PCDHGB3: variants seen among roughly 807,000 people sequenced by gnomAD.
PCDHGB3 encodes the protein protocadherin gamma-B3.
PCDHGB3 carries 40 observed loss-of-function variants against 59.2 expected under a neutral mutation model. The ratio of observed to expected loss-of-function variants is 0.68; its 90% CI spans 0.52 to 0.88. PCDHGB3 has a LOEUF of 0.88. PCDHGB3 is among the 40% of genes least tolerant of loss of function. The pLI is 0.00. For missense variants in PCDHGB3, 1,309 were observed against 1,187.9 expected (o/e 1.10, Z -1.50); for synonymous variants, 581 against 503.6 (o/e 1.15, Z -2.06).
rs1452737362 is a variant in PCDHGB3, at chr5:141,432,324, A to G, written c.2415+59515A>G. On this transcript the variant is annotated intron_variant, in intron 1 of 3. Transcript: ENST00000576222. The surrounding 1 kb of genome is among the most constrained non-coding windows in gnomAD (Gnocchi z 6.0). ...CTGTATGCGCTGAGCTCCTTCGACTACGAGCAGTTCCGAGACTTGCAAGTG... is the reference window on the plus strand; with the variant it reads ...CTGTATGCGCTGAGCTCCTTCGACTGCGAGCAGTTCCGAGACTTGCAAGTG... 3 of 1,614,058 alleles carry G rather than the reference A, an allele frequency of 1.9e-6. No homozygotes were observed. The highest frequency in any genetic ancestry group is 2.7e-5 in the African/African-American group (2 of 74,910).
chr5:141,394,410 A>G, intron 1 of PCDHGB3: 1 of 1,614,210 alleles, frequency 6.2e-7, no homozygotes, highest in Non-Finnish European at 8.5e-7. Context: ...GCTACTGGTA[A>G]CAGCCAGCGA....
chr5:141,386,522 C>T (rs1561611649), intron 1 of PCDHGB3, among the ~76,000 whole-genome samples: 3 of 152,174 alleles, frequency 2.0e-5, no homozygotes, highest in African/African-American at 4.8e-5. Flanking sequence ...CAAAAAAAGA[C>T]TCTTTTTAGA....
At chr5:141,384,192 C>G in intron 1 of PCDHGB3, 1 of 1,613,866 alleles carries the variant, frequency 6.2e-7, no homozygotes. Flanking sequence ...GAACTCCTCC[C>G]TTGTCCAGGG....
chr5:141,427,294 A>G (rs1239553754), intron 1 of PCDHGB3: 6 of 456,876 alleles, frequency 1.3e-5, no homozygotes, highest in Non-Finnish European at 2.2e-5. Context: ...GAAATCCTAG[A>G]TGAGAATGAC....
chr5:141,388,712 G>A, intron 1 of PCDHGB3: 1 of 1,613,986 alleles, frequency 6.2e-7, no homozygotes. Flanking sequence ...TCAATGCCGA[G>A]ATTACTTTCT....
rs1396744157 is a variant in PCDHGB3 at position 141,432,439 on chromosome 5, C to G, written c.2415+59630C>G. 22 of 1,614,108 alleles carry G rather than the reference C, an allele frequency of 1.4e-5. No individual in the cohort carries two copies. The highest frequency in any genetic ancestry group is 1.7e-5 in the Non-Finnish European group (20 of 1,180,052). On this transcript the variant is annotated intron_variant, in intron 1 of 3. Coordinates refer to ENST00000576222, the MANE Select transcript of PCDHGB3 (RefSeq NM_018924.5). This position sits in a 1 kb window ranked among gnomAD's most constrained non-coding sequence, Gnocchi z 6.0. ...TGCTGGACCAGAACGACAATGCGCCCGAGATCCTGTACCCCGCCCTCCCCA... is the reference window on the plus strand; with the variant it reads ...TGCTGGACCAGAACGACAATGCGCCGGAGATCCTGTACCCCGCCCTCCCCA...
At chr5:141,509,570 G>A (rs2099877371) in intron 3 of PCDHGB3, among the ~76,000 whole-genome samples, 1 of 152,232 alleles carries the variant, frequency 6.6e-6, no homozygotes, top group South Asian at 2.1e-4. Flanking sequence ...AGCCTTCACA[G>A]TGCGTACAAA....
chr5:141,410,766 AG>A, intron 1 of PCDHGB3: 1 of 1,032,268 alleles, frequency 9.7e-7, no homozygotes, highest in Non-Finnish European at 1.3e-6. Context: ...TTTCAATTAT[AG>A]TTTTCACTAT....
rs1373988780 is a variant in PCDHGB3, at chr5:141,404,040, G to A, written c.2415+31231G>A. 1.9e-5 allele frequency: 30 copies of A among 1,613,694 alleles called. No homozygotes were observed. The highest frequency in any genetic ancestry group is 2.3e-5 in the Non-Finnish European group (27 of 1,179,836). On this transcript the variant is annotated intron_variant, in intron 1 of 3. Transcript: ENST00000576222. Reference sequence around the variant, plus strand: ...CCAGTGAGAGAAGACGCACCTCAGGGAACAGTAATTCTTCTTTTCAATGCT... The same window carrying A: ...CCAGTGAGAGAAGACGCACCTCAGGAAACAGTAATTCTTCTTTTCAATGCT...
intron 1 of PCDHGB3, among the ~76,000 whole-genome samples, chr5:141,473,990 G>A (rs988540565): frequency 2.0e-5 from 3 of 152,130 alleles, no homozygotes; most frequent in African/African-American, 7.2e-5. Flanking sequence ...GATCCCTTGA[G>A]CCCAAGGAGC....
Position 141,489,595 on chromosome 5 carries a change from G to A in PCDHGB3, c.2416-5212G>A. The A allele has an allele frequency of 1.2e-6, 2 of 1,614,132 alleles. No individual in the cohort carries two copies. Among genetic ancestry groups the A allele is most frequent in the Non-Finnish European group, 1.7e-6 (2 of 1,180,004 alleles). On this transcript the variant is annotated intron_variant, in intron 1 of 3. Coordinates refer to ENST00000576222, the MANE Select transcript of PCDHGB3 (RefSeq NM_018924.5). The surrounding 1 kb of genome is among the most constrained non-coding windows in gnomAD (Gnocchi z 4.5). Reference sequence around the variant, plus strand: ...TGAACACCCCCTGGAGCTAATCCGTGTAGAGGTAGAGATCCTGGATCTCAA... The same window carrying A: ...TGAACACCCCCTGGAGCTAATCCGTATAGAGGTAGAGATCCTGGATCTCAA...
At chr5:141,405,024 T>C in intron 1 of PCDHGB3, 1 of 1,613,920 alleles carries the variant, frequency 6.2e-7, no homozygotes, top group Non-Finnish European at 8.5e-7. Flanking sequence ...GACCTTACCC[T>C]CTACCTCGTT....
At chr5:141,457,111 G>T (rs922281700) in intron 1 of PCDHGB3, among the ~76,000 whole-genome samples, 1 of 152,120 alleles carries the variant, frequency 6.6e-6, no homozygotes, top group African/African-American at 2.4e-5. Context: ...AGCAAAATAC[G>T]ACAGCAATGG....
At chr5:141,483,967 G>C (rs2099589454) in intron 1 of PCDHGB3, among the ~76,000 whole-genome samples, 1 of 149,276 alleles carries the variant, frequency 6.7e-6, no homozygotes, top group African/African-American at 2.5e-5. Flanking sequence ...TTCTGTGCTT[G>C]TGCAAGGGAG....
Position 141,372,747 on chromosome 5 carries a change from G to T in PCDHGB3, c.2353G>T (p.Ala785Ser), listed in dbSNP as rs749618566. ...ACCACAAGATCTTCTATGTGATGAA[G>T]CCTCTTGGTTTGAAAGTAATGACAA... ...AAPQDLLCDEASWFESNDNPE... is the reference protein window; with the variant it reads ...AAPQDLLCDESSWFESNDNPE... Residue 785 changes from alanine (A) to serine (S), a missense_variant, in exon 1 of 4, where the codon GCC becomes TCC. Physicochemically the swap from Ala to Ser is moderately conservative, Grantham distance 99. Transcript: ENST00000576222. 1.6e-5 allele frequency: 26 copies of T among 1,613,300 alleles called. No homozygotes were observed. The highest frequency in any genetic ancestry group is 1.7e-5 in the Admixed American group (1 of 59,974).
At chr5:141,395,542 TTGTGTGTGTGTGTGTGTGTGTG>T (rs55729045) in intron 1 of PCDHGB3, 19 of 172,620 alleles carry the variant, frequency 1.1e-4, no homozygotes, top group Admixed American at 1.0e-3. Context: ...TTGCTATTGT[TTGTGTGTGTGTGTGTGTGTGTG>T]TGTGTGTGTG....
chr5:141,474,011 A>T (rs910186122), intron 1 of PCDHGB3, among the ~76,000 whole-genome samples: 2 of 152,112 alleles, frequency 1.3e-5, no homozygotes, highest in Non-Finnish European at 2.9e-5. Flanking sequence ...TGGAAGTTAC[A>T]GTGAGCTATG....
chr5:141,434,838 A>G (rs1363952147), intron 1 of PCDHGB3, among the ~76,000 whole-genome samples: 1 of 152,022 alleles, frequency 6.6e-6, no homozygotes, highest in Non-Finnish European at 1.5e-5. Context: ...GGCATTTATA[A>G]AGCAGACATC....
Position 141,371,152 on chromosome 5 carries a change from A to G in PCDHGB3, c.758A>G (p.Glu253Gly), listed in dbSNP as rs1767538477. 15 of 1,614,060 alleles carry G rather than the reference A, an allele frequency of 9.3e-6. No homozygotes were observed. Among genetic ancestry groups the G allele is most frequent in the Non-Finnish European group, 1.2e-5 (14 of 1,179,906 alleles). ...TQDMYRVNVA[E>G]NLPAGSSVLK... Reference sequence around the variant, plus strand: ...GACATGTACAGGGTCAATGTTGCAGAGAACCTGCCCGCTGGCTCCTCCGTA... The same window carrying G: ...GACATGTACAGGGTCAATGTTGCAGGGAACCTGCCCGCTGGCTCCTCCGTA... The change falls in exon 1 of 4, where the codon GAG becomes GGG. Residue 253 changes from glutamate to glycine, a missense_variant. Glu to Gly is a moderately conservative substitution (Grantham distance 98). Transcript: ENST00000576222.
Sources: allele counts gnomAD v4.1 joint callset (sites outside exome capture counted in the v4.1 genomes callset), GRCh38; gene constraint gnomAD v4.1.1; non-coding constraint Gnocchi (gnomAD v3.1); transcripts MANE v1.5; gene names NCBI Gene and HGNC (gene_info 2026-07-23, HGNC 2026-07-21).